The following ARFGEF3 variants were observed in gnomAD, a reference collection of about 807,000 sequenced individuals.
ARFGEF3 encodes brefeldin A-inhibited guanine nucleotide-exchange protein 3.
A neutral mutation model predicts 221.7 loss-of-function variants in ARFGEF3; 96 were observed. The ratio of observed to expected loss-of-function variants is 0.43; its 90% confidence interval spans 0.37 to 0.51. The LOEUF is 0.51. Among genes scored for constraint, ARFGEF3 ranks in the 20% least tolerant of loss-of-function variants. The pLI, the probability that ARFGEF3 is intolerant of heterozygous loss-of-function variation, is 0.00. For synonymous variants in ARFGEF3, 1,145 were observed against 1,126.8 expected, an observed-to-expected ratio of 1.02 and a Z score of -0.32; for missense variants, 2,410 against 2,789.9, an observed-to-expected ratio of 0.86 and a Z score of 3.07.
At chr6:138,224,059 T>C (rs960207452) in intron 4 of ARFGEF3, among the ~76,000 whole-genome samples, 3 of 152,202 alleles carry the variant, frequency 2.0e-5, no homozygotes, top group East Asian at 3.8e-4. Context: ...GTAGGTGTAG[T>C]GTGGCCATGG....
At chr6:138,281,890 C>G (rs1214309964) in intron 14 of ARFGEF3, among the ~76,000 whole-genome samples, 2 of 152,130 alleles carry the variant, frequency 1.3e-5, no homozygotes, top group Non-Finnish European at 2.9e-5. Flanking sequence ...AGTTAGAGCT[C>G]CAGCCTTGCC....
intron 24 of ARFGEF3, among the ~76,000 whole-genome samples, chr6:138,309,994 C>A (rs911530535): frequency 7.2e-5 from 11 of 152,182 alleles, no homozygotes; most frequent in Non-Finnish European, 1.3e-4. Flanking sequence ...CTCCCCTAAT[C>A]CAGCCAAGTT....
In ARFGEF3 at chr6:138,295,929, A is replaced by G. The variant is rs572923818; in HGVS notation, c.3503-881A>G. 3.3e-5 allele frequency among the ~76,000 whole-genome samples: 5 copies of G among 152,358 alleles called. No individual in the cohort carries two copies. The East Asian group carries it at 9.6e-4, about 29-fold the overall frequency. On this transcript the variant is annotated intron_variant, in intron 20 of 33. Transcript: ENST00000251691. ...CTTCAGGCTGTGTGTAAAGGTATAT[A>G]TGAAACAGAAATGAATTTTGTGTTT...
At chr6:138,308,945 ACTGT>A (rs1779776657) in intron 24 of ARFGEF3, 84 bp downstream of exon 24, 1 of 1,514,392 alleles carries the variant, frequency 6.6e-7, no homozygotes, top group East Asian at 2.3e-5. Flanking sequence ...GGGCCTACTG[ACTGT>A]CTGGAACAAG....
chr6:138,187,522 C>T (rs774739677), intron 2 of ARFGEF3, among the ~76,000 whole-genome samples: 2 of 152,188 alleles, frequency 1.3e-5, no homozygotes, highest in African/African-American at 2.4e-5. Context: ...CTCCGGCTCT[C>T]AAGGGACAAT....
chr6:138,306,410 G>T (rs903833931), intron 22 of ARFGEF3, among the ~76,000 whole-genome samples: 1 of 152,034 alleles, frequency 6.6e-6, no homozygotes, highest in Non-Finnish European at 1.5e-5. Context: ...TAGATTCAGC[G>T]CAATTCCAAT....
intron 4 of ARFGEF3, among the ~76,000 whole-genome samples, chr6:138,212,553 G>T (rs1447663032): frequency 1.3e-5 from 2 of 152,146 alleles, no homozygotes; most frequent in African/African-American, 4.8e-5. Flanking sequence ...TATAAATCAT[G>T]CTACTATAAA....
chr6:138,231,672 C>A (rs901506881), intron 5 of ARFGEF3, among the ~76,000 whole-genome samples: 2 of 152,266 alleles, frequency 1.3e-5, no homozygotes, highest in East Asian at 3.9e-4. Flanking sequence ...ATTTAAAACT[C>A]CTGTGGAAAT....
intron 12 of ARFGEF3, among the ~76,000 whole-genome samples, chr6:138,265,155 G>A (rs1195046666): frequency 2.0e-5 from 3 of 152,136 alleles, no homozygotes; most frequent in South Asian, 4.2e-4. Flanking sequence ...CGCCCGCCTT[G>A]GCCTCCCAAA....
chr6:138,196,587 A>G (rs1260078593), intron 2 of ARFGEF3, among the ~76,000 whole-genome samples: 2 of 152,250 alleles, frequency 1.3e-5, no homozygotes, highest in Admixed American at 1.3e-4. Context: ...TGCTGAGGAC[A>G]TTATTGTACA....
At chr6:138,276,947 T>A (rs1457449575) in intron 12 of ARFGEF3, among the ~76,000 whole-genome samples, 1 of 152,250 alleles carries the variant, frequency 6.6e-6, no homozygotes, top group African/African-American at 2.4e-5. Context: ...ATTACAGGTG[T>A]GAGCCACTGC....
At chr6:138,268,539 A>G (rs952708082) in intron 12 of ARFGEF3, among the ~76,000 whole-genome samples, 1 of 152,208 alleles carries the variant, frequency 6.6e-6, no homozygotes, top group Non-Finnish European at 1.5e-5. Flanking sequence ...CAAAGCAATT[A>G]AAGTTTCATA....
At chr6:138,165,603 T>G (rs895941739) in intron 1 of ARFGEF3, among the ~76,000 whole-genome samples, 8 of 134,080 alleles carry the variant, frequency 6.0e-5, no homozygotes, top group African/African-American at 2.3e-4. Flanking sequence ...GAGGAGTCAT[T>G]CCCCACTGAG....
chr6:138,323,914 T>C, intron 30 of ARFGEF3, 109 bp from the exon 31 acceptor site: 1 of 1,555,546 alleles, frequency 6.4e-7, no homozygotes, highest in Non-Finnish European at 8.7e-7. Context: ...GAGAAAGAAG[T>C]TGCTGGGTCA....
chr6:138,235,944 C>T (rs1379933238), intron 5 of ARFGEF3, among the ~76,000 whole-genome samples: 1 of 152,018 alleles, frequency 6.6e-6, no homozygotes, highest in East Asian at 1.9e-4. Context: ...ATGCTTACTG[C>T]AATAAGTCAT....
In ARFGEF3 at chr6:138,320,519, C is replaced by T. The variant is rs562159856; in HGVS notation, c.4652-592C>T. ...TGTGGGTGTCCGGGAGCAGAAGAAA[C>T]ATTGCTGCTACCCACAGAGCTTATA... On this transcript the variant is annotated intron_variant, in intron 28 of 33. Coordinates refer to ENST00000251691, the MANE Select transcript of ARFGEF3 (RefSeq NM_020340.5). Among the ~76,000 whole-genome samples the T allele has an allele frequency of 2.0e-5, 3 of 152,302 alleles. 1 individual carries two copies. In the South Asian group the frequency reaches 6.2e-4, roughly 32 times the overall value.
intron 14 of ARFGEF3, among the ~76,000 whole-genome samples, chr6:138,281,293 CAT>C (rs1210066616): frequency 2.0e-5 from 3 of 152,186 alleles, no homozygotes; most frequent in Non-Finnish European, 2.9e-5. Context: ...TGCAGAGTCT[CAT>C]GTGATAGTTC....
chr6:138,296,734 C>G, intron 20 of ARFGEF3, 76 bp from the exon 21 acceptor site: 1 of 1,542,948 alleles, frequency 6.5e-7, no homozygotes, highest in Non-Finnish European at 8.8e-7. Context: ...GATTTTCAAC[C>G]TCTCTCTTTG....
chr6:138,311,615 T>C, intron 25 of ARFGEF3, 105 bp downstream of exon 25: 2 of 747,854 alleles, frequency 2.7e-6, no homozygotes, highest in Non-Finnish European at 4.5e-6. Flanking sequence ...AGAGACACTT[T>C]GCCGTCTGAG....
Sources: allele counts gnomAD v4.1 joint callset (sites outside exome capture counted in the v4.1 genomes callset), GRCh38; gene constraint gnomAD v4.1.1; transcripts MANE v1.5; gene names NCBI Gene and HGNC (gene_info 2026-07-23, HGNC 2026-07-21).